KIAA1328: variants seen among roughly 807,000 people sequenced by gnomAD.
KIAA1328 encodes the protein KIAA1328.
Under a neutral mutation model 68.1 loss-of-function variants are expected in KIAA1328, and 52 were observed. The observed-to-expected ratio is 0.76, with a 90% CI of 0.61 to 0.96. KIAA1328 has a LOEUF of 0.96. Among genes scored for constraint, KIAA1328 ranks in the 40% least tolerant of loss-of-function variants. The pLI is 0.00. For synonymous variants in KIAA1328, 232 were observed against 239.4 expected (o/e 0.97, Z 0.28); for missense variants, 641 against 677.6 (o/e 0.95, Z 0.60).
chr18:36,883,437 A>G (rs922665027), intron 4 of KIAA1328, among the ~76,000 whole-genome samples: 1 of 152,192 alleles, frequency 6.6e-6, no homozygotes, highest in African/African-American at 2.4e-5. Flanking sequence ...GAGCATGCCC[A>G]AATTCTCCTA....
intron 9 of KIAA1328, among the ~76,000 whole-genome samples, chr18:37,188,414 G>A (rs1408090783): frequency 2.6e-5 from 4 of 152,194 alleles, no homozygotes; most frequent in Non-Finnish European, 5.9e-5. Context: ...CTCAGGAGTG[G>A]ATCATAATGG....
chr18:37,155,007 A>T (rs960332362), intron 7 of KIAA1328, among the ~76,000 whole-genome samples: 6 of 152,158 alleles, frequency 3.9e-5, no homozygotes, highest in African/African-American at 9.7e-5. Flanking sequence ...TTGAGCTCTC[A>T]CACTGCTTTC....
chr18:36,840,714 G>A (rs1300507486), intron 3 of KIAA1328, among the ~76,000 whole-genome samples: 1 of 152,092 alleles, frequency 6.6e-6, no homozygotes, highest in Non-Finnish European at 1.5e-5. Context: ...GCCTCCGAAA[G>A]TGCTGGGATT....
chr18:37,132,122 T>C (rs1304196260), intron 7 of KIAA1328, among the ~76,000 whole-genome samples: 4 of 152,220 alleles, frequency 2.6e-5, no homozygotes, highest in Non-Finnish European at 5.9e-5. Context: ...AATTGCTGTT[T>C]ATTTACCCAA....
At chr18:37,044,406 A>G (rs1203290653) in intron 6 of KIAA1328, among the ~76,000 whole-genome samples, 1 of 152,204 alleles carries the variant, frequency 6.6e-6, no homozygotes, top group Non-Finnish European at 1.5e-5. Context: ...CAGGTCTCCT[A>G]TAAGATGACA....
chr18:37,194,937 C>T (rs2154218176), intron 9 of KIAA1328, among the ~76,000 whole-genome samples: 1 of 152,266 alleles, frequency 6.6e-6, no homozygotes, highest in African/African-American at 2.4e-5. Context: ...GGGATTATAG[C>T]ATGAGCCACT....
chr18:37,184,596 C>T (rs547254177), intron 9 of KIAA1328, among the ~76,000 whole-genome samples: 1 of 152,076 alleles, frequency 6.6e-6, no homozygotes, highest in Non-Finnish European at 1.5e-5. Context: ...AGTTAAAGGC[C>T]GAAGATCTGG....
intron 9 of KIAA1328, among the ~76,000 whole-genome samples, chr18:37,184,302 A>G (rs887950882): frequency 6.6e-6 from 1 of 152,220 alleles, no homozygotes; most frequent in Admixed American, 6.5e-5. Flanking sequence ...ATTAGAAAAC[A>G]TCTTGGCTTT....
At chr18:37,032,914 TA>T (rs1329643094) in intron 6 of KIAA1328, among the ~76,000 whole-genome samples, 2 of 152,182 alleles carry the variant, frequency 1.3e-5, no homozygotes. Flanking sequence ...GTGCCGAGAT[TA>T]CAGGCATGAG....
chr18:37,080,022 A>T (rs189696431), intron 7 of KIAA1328, among the ~76,000 whole-genome samples: 7 of 152,130 alleles, frequency 4.6e-5, no homozygotes, highest in East Asian at 1.9e-4. Context: ...ATTTTTGTGG[A>T]TTGAACAAAA....
At chr18:37,082,166 A>ATTTTTTTTT (rs34106395) in intron 7 of KIAA1328, among the ~76,000 whole-genome samples, 1 of 100,422 alleles carries the variant, frequency 1.0e-5, no homozygotes, top group Non-Finnish European at 1.9e-5. Context: ...TGCCCCAAGG[A>ATTTTTTTTT]TTTTTTTTTT....
intron 7 of KIAA1328, among the ~76,000 whole-genome samples, chr18:37,070,551 G>A (rs902065799): frequency 6.6e-6 from 1 of 150,420 alleles, no homozygotes; most frequent in African/African-American, 2.4e-5. Flanking sequence ...TTTTCACTAT[G>A]TAATGTCTTT....
At chr18:37,139,838 A>G (rs1568457082) in intron 7 of KIAA1328, among the ~76,000 whole-genome samples, 1 of 152,220 alleles carries the variant, frequency 6.6e-6, no homozygotes, top group Non-Finnish European at 1.5e-5. Flanking sequence ...AAAAATACTT[A>G]TAATGTAAGT....
chr18:37,158,022 TTTTC>T (rs1051116991), intron 7 of KIAA1328, among the ~76,000 whole-genome samples: 10 of 151,926 alleles, frequency 6.6e-5, no homozygotes, highest in South Asian at 2.1e-4. Flanking sequence ...ATTCCTTTTT[TTTTC>T]TTTCTTTCTT....
At chr18:37,042,197 C>G (rs929248349) in intron 6 of KIAA1328, among the ~76,000 whole-genome samples, 2 of 152,074 alleles carry the variant, frequency 1.3e-5, no homozygotes, top group Admixed American at 1.3e-4. Flanking sequence ...TGCACCTAGC[C>G]ATATATTTAT....
At chr18:37,036,621 CA>C (rs2055037833) in intron 6 of KIAA1328, among the ~76,000 whole-genome samples, 1 of 152,196 alleles carries the variant, frequency 6.6e-6, no homozygotes, top group Non-Finnish European at 1.5e-5. Context: ...GGTCCATGCT[CA>C]CAGCCACCTG....
chr18:37,113,023 CTACGTTTGACTGGTG>C (rs1308194270), intron 7 of KIAA1328, among the ~76,000 whole-genome samples: 1 of 152,128 alleles, frequency 6.6e-6, no homozygotes, highest in African/African-American at 2.4e-5. Flanking sequence ...AAGACCAAAT[CTACGTTTGACTGGTG>C]TACCTGAAAG....
At chr18:37,141,816 G>A (rs1438483462) in intron 7 of KIAA1328, among the ~76,000 whole-genome samples, 1 of 152,136 alleles carries the variant, frequency 6.6e-6, no homozygotes, top group Non-Finnish European at 1.5e-5. Context: ...TGGTTTTAGT[G>A]TGCAGTTCTC....
At chr18:37,075,220 T>C (rs1599168131) in intron 7 of KIAA1328, 1 of 151,778 alleles carries the variant, frequency 6.6e-6, no homozygotes, top group Non-Finnish European at 1.5e-5. Flanking sequence ...GAATTTCATA[T>C]CCAGCCAAAC....
Sources: gnomAD v4.1 joint callset for allele counts (sites outside exome capture counted in the v4.1 genomes callset) on GRCh38, gnomAD v4.1.1 for gene constraint, MANE v1.5 for transcripts, NCBI Gene and HGNC (gene_info 2026-07-23, HGNC 2026-07-21) for gene names.